FKBP6: variants seen among roughly 807,000 people sequenced by gnomAD.
FKBP6 encodes the protein inactive peptidyl-prolyl cis-trans isomerase FKBP6.
In FKBP6, 29 loss-of-function variants were observed where a neutral mutation model predicts 41.7. The ratio of observed to expected loss-of-function variants is 0.70; its 90% CI spans 0.52 to 0.95. FKBP6 has a LOEUF of 0.95. Ranked by LOEUF, FKBP6 falls within the 40% of genes least tolerant of loss-of-function variation. The probability of loss-of-function intolerance (pLI) is 0.00; values close to 1 mark genes in which losing one functional copy is unlikely to be tolerated. For missense variants in FKBP6, 338 were observed against 408.7 expected (o/e 0.83, Z 1.49); for synonymous variants, 130 against 165.1 (o/e 0.79, Z 1.63).
intron 3 of FKBP6, 66 bp downstream of exon 3, chr7:73,329,515 A>ATCT: frequency 1.0e-6 from 1 of 998,152 alleles, no homozygotes; most frequent in Non-Finnish European, 1.6e-6. Flanking sequence ...ACGATGCCTC[A>ATCT]GGCTGGGAAG....
chr7:73,341,312 T>A lies in FKBP6; in HGVS notation c.823T>A (p.Phe275Ile). 1 of 1,613,830 alleles carries A rather than the reference T, an allele frequency of 6.2e-7. No homozygotes were observed. The part of the protein sequence containing the change: ...LLTEYQKARD[F>I]LVRAQKEQPF... ...GACTGAGTATCAAAAGGCCCGGGAT[T>A]TTCTAGTTCGAGCCCAGAAGGAGCA... Residue 275 changes from phenylalanine to isoleucine, a missense_variant, in exon 7 of 9, where the codon TTT becomes ATT. Around this residue, in one of 2 missense-constraint regions of FKBP6, gnomAD observed 239 missense variants for 250.1 expected, o/e 0.96. Transcript: ENST00000252037.
chr7:73,328,526 T>G (rs1583791726), intron 1 of FKBP6, 41 bp downstream of exon 1: 2 of 1,554,718 alleles, frequency 1.3e-6, no homozygotes, highest in Admixed American at 1.9e-5. Context: ...CGCTGAGGGG[T>G]GGCCGGGTGG....
intron 7 of FKBP6, 147 bp from the exon 8 acceptor site, chr7:73,342,660 T>G: frequency 1.4e-6 from 1 of 725,882 alleles, no homozygotes; most frequent in Non-Finnish European, 2.5e-6. Context: ...CCTCCCCACC[T>G]CTCCAGCTTA....
At chr7:73,333,390 T>A (rs1804908564) in intron 5 of FKBP6, among the ~76,000 whole-genome samples, 1 of 151,846 alleles carries the variant, frequency 6.6e-6, no homozygotes, top group African/African-American at 2.4e-5. Context: ...TAACAGAACC[T>A]CCCATTTCAC....
chr7:73,336,876 G>T (rs531365765), intron 5 of FKBP6: 7 of 451,474 alleles, frequency 1.6e-5, no homozygotes, highest in African/African-American at 8.0e-5. Context: ...CAAAATGGAT[G>T]GTTAGACTTG....
chr7:73,329,694 T>G, intron 3 of FKBP6: 1 of 587,590 alleles, frequency 1.7e-6, no homozygotes, highest in East Asian at 2.9e-5. Flanking sequence ...CTTTGTTCAT[T>G]TATTAAGTAA....
At position 73,331,736 on chromosome 7, in the gene FKBP6, G is replaced by T. The variant is rs376031664; in HGVS notation, c.548G>T (p.Arg183Leu). Residue 183 changes from arginine to leucine, a missense_variant, in exon 5 of 9, where the codon CGC becomes CTC. Transcript: ENST00000252037. Reference protein sequence around the residue: ...TEREFGNYLFRQNRFYDAKVR... With the variant: ...TEREFGNYLFLQNRFYDAKVR... ...CGGGAGTTTGGCAACTACCTTTTCC[G>T]CCAGAATCGTTTCTATGATGCCAAA... 6.2e-7 allele frequency: 1 copy of T among 1,613,708 alleles called. No individual in the cohort carries two copies. The highest frequency in any genetic ancestry group is 1.3e-5 in the African/African-American group (1 of 74,878).
At chr7:73,353,799 C>G (rs1356114574) in intron 8 of FKBP6, among the ~76,000 whole-genome samples, 1 of 151,510 alleles carries the variant, frequency 6.6e-6, no homozygotes, top group Non-Finnish European at 1.5e-5. Context: ...AGTGGCACGA[C>G]CTCAGCTCAC....
chr7:73,351,954 G>A (rs547545878), intron 8 of FKBP6, among the ~76,000 whole-genome samples: 1 of 152,276 alleles, frequency 6.6e-6, no homozygotes, highest in African/African-American at 2.4e-5. Context: ...TGCATTGTCT[G>A]CAGGGTGAAG....
chr7:73,355,280 T>C (rs1055111324), intron 8 of FKBP6, among the ~76,000 whole-genome samples: 3 of 152,242 alleles, frequency 2.0e-5, no homozygotes, highest in African/African-American at 2.4e-5. Context: ...TCCGGACTTA[T>C]TTCTCCTTGA....
At position 73,344,675 on chromosome 7, in the gene FKBP6, C is replaced by T. The variant is rs1406644902; in HGVS notation, c.*2+1776C>T. On this transcript the variant is annotated intron_variant, in intron 8 of 8. Coordinates refer to ENST00000252037, the MANE Select transcript of FKBP6 (RefSeq NM_003602.5). ...TCTTGGCTCACTGCAGCCTCTGCCTCCCAGATTCAAGTGATCCTCCTGCCT... is the reference window on the plus strand; with the variant it reads ...TCTTGGCTCACTGCAGCCTCTGCCTTCCAGATTCAAGTGATCCTCCTGCCT... Among the ~76,000 whole-genome samples the T allele has an allele frequency of 2.6e-5, 4 of 152,170 alleles. No individual in the cohort carries two copies. In the East Asian group the frequency reaches 5.8e-4, roughly 22 times the overall value.
At chr7:73,329,722 A>G in intron 3 of FKBP6, 1 of 563,096 alleles carries the variant, frequency 1.8e-6, no homozygotes, top group Non-Finnish European at 3.2e-6. Flanking sequence ...TCGAATACTT[A>G]CTTCCCACAA....
At chr7:73,350,987 A>C (rs1256373744) in intron 8 of FKBP6, among the ~76,000 whole-genome samples, 4 of 152,222 alleles carry the variant, frequency 2.6e-5, no homozygotes, top group African/African-American at 9.6e-5. Context: ...AGAAATATCT[A>C]GTGGTGAGTC....
chr7:73,340,917 CTTTTTTTTTTTTTTT>C, intron 6 of FKBP6, 85 bp downstream of exon 6: 3 of 482,528 alleles, frequency 6.2e-6, no homozygotes, highest in Non-Finnish European at 1.1e-5. Context: ...AAAATGCTGT[CTTTTTTTTTTTTTTT>C]TTTTTTTTTA....
intron 8 of FKBP6, among the ~76,000 whole-genome samples, chr7:73,356,030 C>T (rs532798040): frequency 7.5e-5 from 10 of 132,900 alleles, no homozygotes; most frequent in Admixed American, 4.3e-4. Context: ...CGTGCCACTG[C>T]ACTCCAGCCT....
intron 5 of FKBP6, among the ~76,000 whole-genome samples, chr7:73,335,914 CGTCTTTTCCT>C (rs1804993430): frequency 6.6e-6 from 1 of 152,156 alleles, no homozygotes; most frequent in Admixed American, 6.6e-5. Flanking sequence ...AGGTTTTGCA[CGTCTTTTCCT>C]AGTGGAAAGT....
At chr7:73,336,805 G>C (rs1180473551) in intron 5 of FKBP6, 1 of 456,670 alleles carries the variant, frequency 2.2e-6, no homozygotes, top group South Asian at 1.5e-5. Flanking sequence ...CAGGGTCCAG[G>C]AATGTGTTAA....
chr7:73,334,630 AT>A (rs1189042049), intron 5 of FKBP6, among the ~76,000 whole-genome samples: 2 of 152,144 alleles, frequency 1.3e-5, no homozygotes, highest in Admixed American at 6.5e-5. Context: ...CAAAAAATAA[AT>A]TTTAGAAAAT....
At chr7:73,328,744 G>A in intron 2 of FKBP6, 52 bp downstream of exon 2, 1 of 1,611,738 alleles carries the variant, frequency 6.2e-7, no homozygotes. Context: ...CACTCTGTTG[G>A]GAAGAGAGAG....
Sources: gnomAD v4.1 joint callset for allele counts (sites outside exome capture counted in the v4.1 genomes callset) on GRCh38, gnomAD v4.1.1 for gene constraint, gnomAD v4.1.1 regional missense constraint, MANE v1.5 for transcripts, NCBI Gene and HGNC (gene_info 2026-07-23, HGNC 2026-07-21) for gene names.